Variants in GRM7 observed in about 807,000 individuals in gnomAD.
GRM7 encodes the protein metabotropic glutamate receptor 7.
A neutral mutation model predicts 84.5 loss-of-function variants in GRM7; 35 were observed. That is an observed-to-expected ratio of 0.41 (90% confidence interval 0.32 to 0.55). The LOEUF is 0.55. Among genes scored for constraint, GRM7 ranks in the 20% least tolerant of loss-of-function variants. The pLI, the probability that GRM7 is intolerant of heterozygous loss-of-function variation, is 0.19. For synonymous variants in GRM7, 487 were observed against 455.1 expected (o/e 1.07, Z -0.89); for missense variants, 1,003 against 1,194.6 (o/e 0.84, Z 2.36).
At chr3:7,073,587 T>C (rs1022240944) in intron 1 of GRM7, among the ~76,000 whole-genome samples, 2 of 151,796 alleles carry the variant, frequency 1.3e-5, no homozygotes, top group African/African-American at 4.9e-5. Flanking sequence ...GGAGTTAGGG[T>C]TTATTTTAGA....
chr3:7,470,327 A>G (rs1352355545), intron 7 of GRM7, among the ~76,000 whole-genome samples: 1 of 152,244 alleles, frequency 6.6e-6, no homozygotes, highest in Non-Finnish European at 1.5e-5. Context: ...AATATGTAAT[A>G]ATACTTTCTT....
chr3:7,670,152 C>T (rs1231891355), intron 8 of GRM7, among the ~76,000 whole-genome samples: 1 of 152,054 alleles, frequency 6.6e-6, no homozygotes. Context: ...CCTGCCTCTA[C>T]CCACAACCAT....
chr3:6,916,665 C>T (rs1246644748), intron 1 of GRM7, among the ~76,000 whole-genome samples: 1 of 152,102 alleles, frequency 6.6e-6, no homozygotes, highest in Non-Finnish European at 1.5e-5. Context: ...TAATCCCATT[C>T]ATGAGAACTC....
At chr3:7,454,045 A>T (rs1227440922) in intron 6 of GRM7, among the ~76,000 whole-genome samples, 1 of 150,356 alleles carries the variant, frequency 6.7e-6, no homozygotes, top group Non-Finnish European at 1.5e-5. Context: ...AACAAGGGCT[A>T]TGGTAATTAT....
intron 8 of GRM7, among the ~76,000 whole-genome samples, chr3:7,648,636 G>A (rs1190784447): frequency 1.3e-5 from 2 of 148,842 alleles, no homozygotes; most frequent in African/African-American, 5.0e-5. Context: ...GTGACAGAGT[G>A]ATACTCCGTC....
chr3:7,692,688 G>A (rs1320584070), intron 9 of GRM7, among the ~76,000 whole-genome samples: 2 of 152,332 alleles, frequency 1.3e-5, no homozygotes, highest in Non-Finnish European at 2.9e-5. Context: ...AACTGACTTA[G>A]AGCAGTGAAT....
At chr3:7,217,492 C>G (rs1696654553) in intron 2 of GRM7, among the ~76,000 whole-genome samples, 1 of 152,012 alleles carries the variant, frequency 6.6e-6, no homozygotes, top group Non-Finnish European at 1.5e-5. Context: ...GCTCTTATAC[C>G]TTCTATTTCA....
At chr3:7,341,503 G>A (rs574654934) in intron 4 of GRM7, among the ~76,000 whole-genome samples, 86 of 151,918 alleles carry the variant, frequency 5.7e-4, no homozygotes, top group Middle Eastern at 3.4e-3. Context: ...CCCACACACG[G>A]CCTGACTCAG....
At chr3:7,466,894 A>C (rs1404005640) in intron 7 of GRM7, among the ~76,000 whole-genome samples, 2 of 152,182 alleles carry the variant, frequency 1.3e-5, no homozygotes, top group Non-Finnish European at 2.9e-5. Context: ...TATAGACTAA[A>C]AACTCCTTGA....
chr3:7,142,830 A>G (rs1334214312), intron 1 of GRM7, among the ~76,000 whole-genome samples: 1 of 152,198 alleles, frequency 6.6e-6, no homozygotes, highest in Non-Finnish European at 1.5e-5. Flanking sequence ...CTTATTTTAA[A>G]TAGGTTATAG....
intron 1 of GRM7, among the ~76,000 whole-genome samples, chr3:7,030,062 G>A (rs1696134136): frequency 2.0e-5 from 3 of 152,000 alleles, no homozygotes; most frequent in Admixed American, 2.0e-4. Flanking sequence ...ACAGGTAAAT[G>A]AATAAACATA....
intron 2 of GRM7, among the ~76,000 whole-genome samples, chr3:7,274,776 G>T (rs1698991851): frequency 6.6e-6 from 1 of 151,844 alleles, no homozygotes; most frequent in African/African-American, 2.4e-5. Context: ...GTTTTGTATT[G>T]TCATTTTTTC....
At chr3:7,085,438 A>G (rs905522702) in intron 1 of GRM7, among the ~76,000 whole-genome samples, 1 of 152,212 alleles carries the variant, frequency 6.6e-6, no homozygotes, top group African/African-American at 2.4e-5. Context: ...TTAAGAATGT[A>G]AGTAATGACA....
intron 4 of GRM7, among the ~76,000 whole-genome samples, chr3:7,318,346 G>A (rs1700655732): frequency 6.6e-6 from 1 of 152,048 alleles, no homozygotes; most frequent in Non-Finnish European, 1.5e-5. Flanking sequence ...CATGCCAGGA[G>A]CTCACAAACT....
chr3:7,672,601 CTTTTTT>C (rs773468950), intron 8 of GRM7, among the ~76,000 whole-genome samples: 1 of 116,986 alleles, frequency 8.5e-6, no homozygotes, highest in Admixed American at 8.9e-5. Context: ...TTTTAATATA[CTTTTTT>C]TTTTTTTTTT....
chr3:7,091,224 AG>A (rs1377246825), intron 1 of GRM7, among the ~76,000 whole-genome samples: 10 of 151,508 alleles, frequency 6.6e-5, no homozygotes, highest in African/African-American at 2.4e-4. Flanking sequence ...AAAAAAAAAA[AG>A]AAAAAAGAAA....
At chr3:6,945,709 T>C (rs1483077002) in intron 1 of GRM7, among the ~76,000 whole-genome samples, 1 of 152,168 alleles carries the variant, frequency 6.6e-6, no homozygotes, top group Admixed American at 6.5e-5. Flanking sequence ...TTTCTCCACA[T>C]CCTCTCCAGC....
chr3:7,403,153 T>C (rs1196452812), intron 4 of GRM7: 4 of 447,446 alleles, frequency 8.9e-6, no homozygotes, highest in Non-Finnish European at 1.4e-5. Flanking sequence ...TTTGTCTGGC[T>C]TTCTTTCTGT....
intron 1 of GRM7, among the ~76,000 whole-genome samples, chr3:7,054,769 C>T (rs560779530): frequency 4.6e-5 from 7 of 151,746 alleles, no homozygotes; most frequent in African/African-American, 7.3e-5. Context: ...CTCTACCCAT[C>T]GTTCTCCTCT....
Sources: gnomAD v4.1 joint callset for allele counts (sites outside exome capture counted in the v4.1 genomes callset) on GRCh38, gnomAD v4.1.1 for gene constraint, MANE v1.5 for transcripts, NCBI Gene and HGNC (gene_info 2026-07-23, HGNC 2026-07-21) for gene names.